TYW3: variants seen among roughly 807,000 people sequenced by gnomAD.
The protein encoded by TYW3 is tRNA wybutosine-synthesizing protein 3 homolog.
Under a neutral mutation model 23.1 loss-of-function variants are expected in TYW3, and 26 were observed. The ratio of observed to expected loss-of-function variants is 1.13; its 90% confidence interval spans 0.83 to 1.56. The LOEUF is 1.56. Ranked by LOEUF, TYW3 falls within the 40% of genes most tolerant of loss-of-function variation. The probability of loss-of-function intolerance (pLI) is 0.00; values close to 1 mark genes in which losing one functional copy is unlikely to be tolerated. For synonymous variants in TYW3, 102 were observed against 105.7 expected, an observed-to-expected ratio of 0.97 and a Z score of 0.21; for missense variants, 316 against 311.9, an observed-to-expected ratio of 1.01 and a Z score of -0.10.
At chr1:74,750,569 T>TA (rs1472403929) in intron 4 of TYW3, among the ~76,000 whole-genome samples, 1 of 151,712 alleles carries the variant, frequency 6.6e-6, no homozygotes, top group Non-Finnish European at 1.5e-5. Flanking sequence ...GTCTCAAAAA[T>TA]AAAATAAAAA....
chr1:74,739,669 C>G (rs1028505450), intron 3 of TYW3, among the ~76,000 whole-genome samples: 1 of 152,172 alleles, frequency 6.6e-6, no homozygotes, highest in Admixed American at 6.5e-5. Context: ...GAATTTCTTT[C>G]TGAGTTCAGG....
chr1:74,756,696 C>G (rs1648967315), intron 5 of TYW3, among the ~76,000 whole-genome samples: 1 of 152,192 alleles, frequency 6.6e-6, no homozygotes, highest in African/African-American at 2.4e-5. Flanking sequence ...AGGAGAAATT[C>G]AAGTCAGCCC....
At chr1:74,733,964 G>C (rs1648030228) in intron 1 of TYW3, among the ~76,000 whole-genome samples, 1 of 143,340 alleles carries the variant, frequency 7.0e-6, no homozygotes, top group Non-Finnish European at 1.5e-5. Context: ...ATATAATTTA[G>C]GATGGTTAGA....
chr1:74,734,129 C>T (rs1380664644), intron 1 of TYW3: 5 of 152,088 alleles, frequency 3.3e-5, no homozygotes, highest in Non-Finnish European at 7.4e-5. Flanking sequence ...TTCAGTTACC[C>T]CAGTCAACAG....
chr1:74,740,499 GC>G (rs58073030), intron 3 of TYW3, among the ~76,000 whole-genome samples: 6,842 of 152,264 alleles, frequency 0.045, 180 homozygotes, highest in Non-Finnish European at 0.058. Context: ...CCCTTATTTG[GC>G]CCCACCCACA....
At chr1:74,760,366 T>C (rs1649100754) in intron 5 of TYW3, among the ~76,000 whole-genome samples, 1 of 152,218 alleles carries the variant, frequency 6.6e-6, no homozygotes, top group African/African-American at 2.4e-5. Flanking sequence ...AAGGGTCAAC[T>C]GTATACTTAA....
chr1:74,750,641 C>G (rs558442586), intron 4 of TYW3, among the ~76,000 whole-genome samples: 1 of 152,204 alleles, frequency 6.6e-6, no homozygotes, highest in Non-Finnish European at 1.5e-5. Context: ...TATTTTGCAT[C>G]TACCTGTTTA....
chr1:74,748,558 T>G (rs1648668463), intron 3 of TYW3, 193 bp from the exon 4 acceptor site: 1 of 566,534 alleles, frequency 1.8e-6, no homozygotes, highest in Non-Finnish European at 3.1e-6. Flanking sequence ...ATAGTTCATA[T>G]TTCAATATTT....
chr1:74,750,003 A>G (rs1648721742), intron 4 of TYW3: 2 of 152,282 alleles, frequency 1.3e-5, no homozygotes, highest in South Asian at 4.2e-4. Flanking sequence ...TTATGTCCCC[A>G]TCTCACTCTT....
rs546686747 is a variant in TYW3, at chr1:74,755,660, C to A, written c.560+3235C>A. On this transcript the variant is annotated intron_variant, in intron 5 of 5. Transcript: ENST00000370867. Reference sequence around the variant, plus strand: ...CATTGTACAAGTATCTGAGTCACTGCTTTCAGTTCTGTTGGATATATACTC... The same window carrying A: ...CATTGTACAAGTATCTGAGTCACTGATTTCAGTTCTGTTGGATATATACTC... Among the ~76,000 whole-genome samples the A allele has an allele frequency of 6.3e-4, 96 of 152,256 alleles. 1 individual carries two copies. Among genetic ancestry groups the A allele is most frequent in the African/African-American group, 2.3e-3 (94 of 41,544 alleles).
chr1:74,751,813 A>C (rs76057501), intron 4 of TYW3, among the ~76,000 whole-genome samples: 11,601 of 152,220 alleles, frequency 0.076, 601 homozygotes, highest in African/African-American at 0.14. Flanking sequence ...GGCTATTAAG[A>C]TTGTGAACCC....
chr1:74,747,918 T>C lies in TYW3; in HGVS notation c.355-833T>C, dbSNP rs569213040. Among the ~76,000 whole-genome samples, 9 of 152,146 alleles carry C rather than the reference T, an allele frequency of 5.9e-5. No homozygotes were observed. In the South Asian group the frequency reaches 1.9e-3, roughly 32 times the overall value. On this transcript the variant is annotated intron_variant, in intron 3 of 5. Coordinates refer to ENST00000370867, the MANE Select transcript of TYW3 (RefSeq NM_138467.3). ...ATACACACATATATACACACGTATA[T>C]ACATATATACATATATGTGTGTATA...
chr1:74,753,382 C>G (rs3845356), intron 5 of TYW3, among the ~76,000 whole-genome samples: 59,758 of 152,006 alleles, frequency 0.39, 14,378 homozygotes, highest in Non-Finnish European at 0.55. Context: ...TTGTAAAGTG[C>G]AAAGGATTCC....
intron 5 of TYW3, among the ~76,000 whole-genome samples, chr1:74,756,586 G>A (rs1023118536): frequency 5.3e-5 from 8 of 152,192 alleles, no homozygotes; most frequent in Non-Finnish European, 1.2e-4. Context: ...GGTGACTTGG[G>A]TGCTGTTAAA....
At chr1:74,741,873 C>T (rs1481113573) in intron 3 of TYW3, among the ~76,000 whole-genome samples, 1 of 152,192 alleles carries the variant, frequency 6.6e-6, no homozygotes, top group Middle Eastern at 3.2e-3. Flanking sequence ...GCCTTCTCGA[C>T]CTTCCCTCAG....
chr1:74,738,121 CA>C (rs1648216818), intron 2 of TYW3, among the ~76,000 whole-genome samples: 1 of 145,316 alleles, frequency 6.9e-6, no homozygotes, highest in African/African-American at 2.6e-5. Context: ...AAAAAACAAA[CA>C]AAAAAACTGC....
At chr1:74,747,704 T>C (rs375768993) in intron 3 of TYW3, among the ~76,000 whole-genome samples, 2 of 150,980 alleles carry the variant, frequency 1.3e-5, no homozygotes, top group East Asian at 3.9e-4. Flanking sequence ...TGTATACATA[T>C]GTGTGTGTGT....
intron 3 of TYW3, among the ~76,000 whole-genome samples, chr1:74,744,054 C>A (rs147774584): frequency 1.3e-5 from 2 of 151,964 alleles, no homozygotes; most frequent in African/African-American, 4.8e-5. Flanking sequence ...ATAGCCCAGG[C>A]GTTTTTGTGG....
chr1:74,764,008 A>G lies in TYW3; in HGVS notation c.675A>G (p.Glu225=). 1 of 1,611,792 alleles carries G rather than the reference A, an allele frequency of 6.2e-7. No homozygotes were observed. Among genetic ancestry groups the G allele is most frequent in the Non-Finnish European group, 8.5e-7 (1 of 1,179,368 alleles). Residue 225 remains glutamate, a synonymous_variant, in exon 6 of 6, where the codon GAA becomes GAG. Transcript: ENST00000370867. ...SYIHKKKRNP[E]KTRAQCITKE... Reference sequence around the variant, plus strand: ...TTCATAAGAAAAAAAGAAACCCAGAAAAAACACGTGCCCAGTGTATTACTA... The same window carrying G: ...TTCATAAGAAAAAAAGAAACCCAGAGAAAACACGTGCCCAGTGTATTACTA...
Sources: allele counts gnomAD v4.1 joint callset (sites outside exome capture counted in the v4.1 genomes callset), GRCh38; gene constraint gnomAD v4.1.1; transcripts MANE v1.5; gene names NCBI Gene and HGNC (gene_info 2026-07-23, HGNC 2026-07-21).